BMPER: variants seen among roughly 807,000 people sequenced by gnomAD.
The protein encoded by BMPER is BMP-binding endothelial regulator protein.
Under a neutral mutation model 87.3 loss-of-function variants are expected in BMPER, and 45 were observed. The ratio of observed to expected loss-of-function variants is 0.52; its 90% CI spans 0.41 to 0.66. The LOEUF (loss-of-function observed/expected upper bound fraction) is 0.66. Among genes scored for constraint, BMPER ranks in the 30% least tolerant of loss-of-function variants. The pLI is 0.00. For missense variants in BMPER, 784 were observed against 867.5 expected, an observed-to-expected ratio of 0.90 and a Z score of 1.21; for synonymous variants, 326 against 316.2, an observed-to-expected ratio of 1.03 and a Z score of -0.33.
chr7:34,124,751 C>T (rs1790356144), intron 13 of BMPER, among the ~76,000 whole-genome samples: 1 of 151,758 alleles, frequency 6.6e-6, no homozygotes, highest in Admixed American at 6.6e-5. Context: ...ACAGACATAC[C>T]TCTGATATTT....
intron 2 of BMPER, among the ~76,000 whole-genome samples, chr7:33,920,039 T>C (rs1040528575): frequency 2.0e-5 from 3 of 152,140 alleles, no homozygotes; most frequent in Non-Finnish European, 4.4e-5. Context: ...TGTGAATGAA[T>C]GTGTGATGAA....
At chr7:33,998,723 C>T (rs1455458689) in intron 6 of BMPER, among the ~76,000 whole-genome samples, 3 of 152,188 alleles carry the variant, frequency 2.0e-5, no homozygotes, top group Non-Finnish European at 4.4e-5. Context: ...GGGGAGCAGC[C>T]CTAACCATGG....
chr7:34,022,471 C>G (rs1191999320), intron 6 of BMPER, among the ~76,000 whole-genome samples: 2 of 151,910 alleles, frequency 1.3e-5, no homozygotes, highest in East Asian at 3.9e-4. Context: ...GCAAAACATT[C>G]AAGGAAGAAT....
chr7:33,908,690 T>C lies in BMPER; in HGVS notation c.219+1787T>C, dbSNP rs142086013. ...CATTTAAGTAACAGTTGTAGGTATCTGCCTTGGGTGAGTGCTGTCAGAAAT... is the reference window on the plus strand; with the variant it reads ...CATTTAAGTAACAGTTGTAGGTATCCGCCTTGGGTGAGTGCTGTCAGAAAT... On this transcript the variant is annotated intron_variant, in intron 2 of 14. Coordinates refer to ENST00000649409, the MANE Select transcript of BMPER (RefSeq NM_001365308.1). 2.6e-3 allele frequency among the ~76,000 whole-genome samples: 392 copies of C among 152,372 alleles called. 9 individuals are homozygous for C. The highest frequency in any genetic ancestry group is 0.019 in the Admixed American group (290 of 15,308).
At chr7:33,981,730 A>G (rs1720549371) in intron 6 of BMPER, among the ~76,000 whole-genome samples, 1 of 152,074 alleles carries the variant, frequency 6.6e-6, no homozygotes, top group Non-Finnish European at 1.5e-5. Flanking sequence ...CCCACACCAA[A>G]CATTTAGTCT....
At chr7:34,031,921 T>TATAC in intron 6 of BMPER, among the ~76,000 whole-genome samples, 1 of 109,856 alleles carries the variant, frequency 9.1e-6, no homozygotes, top group African/African-American at 4.3e-5. Flanking sequence ...TATATATATA[T>TATAC]ATATATACAC....
At chr7:33,938,095 A>G (rs866224446) in intron 3 of BMPER, among the ~76,000 whole-genome samples, 5 of 152,254 alleles carry the variant, frequency 3.3e-5, no homozygotes, top group Non-Finnish European at 7.4e-5. Flanking sequence ...GCCCACATGG[A>G]TACCGCAGTG....
At chr7:34,129,189 A>C (rs1405838009) in intron 13 of BMPER, among the ~76,000 whole-genome samples, 3 of 152,130 alleles carry the variant, frequency 2.0e-5, no homozygotes, top group Non-Finnish European at 4.4e-5. Flanking sequence ...CTTAGATCAC[A>C]AGCTTAAAAT....
chr7:33,929,215 A>G (rs1395557539), intron 2 of BMPER, among the ~76,000 whole-genome samples: 1 of 151,816 alleles, frequency 6.6e-6, no homozygotes, highest in Non-Finnish European at 1.5e-5. Flanking sequence ...AAAGAATAAC[A>G]CTCCCAGATG....
At chr7:34,145,314 T>G (rs954639765) in intron 14 of BMPER, among the ~76,000 whole-genome samples, 8 of 152,142 alleles carry the variant, frequency 5.3e-5, no homozygotes, top group African/African-American at 1.9e-4. Context: ...CCCTTTCACC[T>G]TCCTCTGACT....
intron 6 of BMPER, among the ~76,000 whole-genome samples, chr7:34,034,576 G>A (rs988736775): frequency 6.6e-6 from 1 of 152,208 alleles, no homozygotes; most frequent in African/African-American, 2.4e-5. Context: ...TGACAAAGCA[G>A]TATGGAAGTC....
Position 34,051,946 on chromosome 7 carries a change from T to C in BMPER, c.762T>C (p.Asp254=), listed in dbSNP as rs1429439624. Residue 254 remains aspartate (D), a synonymous_variant, in exon 8 of 15, where the codon GAT becomes GAC. Coordinates refer to ENST00000649409, the MANE Select transcript of BMPER (RefSeq NM_001365308.1). ...ACAATGGATCCTCATTTCTGTACGATAACTGCACAGCTTGTACCTGCAGGG... is the reference window on the plus strand; with the variant it reads ...ACAATGGATCCTCATTTCTGTACGACAACTGCACAGCTTGTACCTGCAGGG... The part of the protein sequence containing the change: ...VYDNGSSFLY[D]NCTACTCRDS... 12 of 1,613,792 alleles carry C rather than the reference T, an allele frequency of 7.4e-6. No individual in the cohort carries two copies. Among genetic ancestry groups the C allele is most frequent in the Non-Finnish European group, 1.0e-5 (12 of 1,179,662 alleles).
intron 3 of BMPER, among the ~76,000 whole-genome samples, chr7:33,946,150 A>G (rs376722507): frequency 1.1e-4 from 16 of 152,314 alleles, no homozygotes; most frequent in African/African-American, 3.8e-4. Context: ...AGGAGAGAGA[A>G]TGAGAGCCAG....
chr7:33,953,583 T>C (rs1785078928), intron 3 of BMPER, among the ~76,000 whole-genome samples: 1 of 152,196 alleles, frequency 6.6e-6, no homozygotes, highest in Admixed American at 6.5e-5. Flanking sequence ...CCAGACCAAA[T>C]GAATCATAAT....
intron 6 of BMPER, among the ~76,000 whole-genome samples, chr7:34,007,486 G>T (rs1786765752): frequency 6.6e-6 from 1 of 151,874 alleles, no homozygotes; most frequent in African/African-American, 2.4e-5. Context: ...CCCACAGATG[G>T]TCCATGCATT....
intron 5 of BMPER, among the ~76,000 whole-genome samples, chr7:33,972,614 G>A (rs2128619224): frequency 6.6e-6 from 1 of 152,104 alleles, no homozygotes; most frequent in Non-Finnish European, 1.5e-5. Context: ...CCAAAGGTGA[G>A]GTTGGGATCT....
intron 13 of BMPER, among the ~76,000 whole-genome samples, chr7:34,099,004 C>T (rs1351171148): frequency 6.6e-6 from 1 of 151,820 alleles, no homozygotes; most frequent in Admixed American, 6.6e-5. Context: ...TGAACATGTG[C>T]GATGTGCCTG....
chr7:34,014,036 C>T (rs910068238), intron 6 of BMPER, among the ~76,000 whole-genome samples: 2 of 151,918 alleles, frequency 1.3e-5, no homozygotes, highest in Non-Finnish European at 2.9e-5. Context: ...TTACTTTGCC[C>T]ATCAGGGTAA....
chr7:34,105,503 A>G (rs931048665), intron 13 of BMPER, among the ~76,000 whole-genome samples: 24 of 152,242 alleles, frequency 1.6e-4, no homozygotes, highest in Non-Finnish European at 2.2e-4. Context: ...ATAGAGGGCC[A>G]GTCAGGGATA....
Sources: allele counts gnomAD v4.1 joint callset (sites outside exome capture counted in the v4.1 genomes callset), GRCh38; gene constraint gnomAD v4.1.1; transcripts MANE v1.5; gene names NCBI Gene and HGNC (gene_info 2026-07-23, HGNC 2026-07-21).